ST6GALNAC3: variants seen among roughly 807,000 people sequenced by gnomAD.
ST6GALNAC3 encodes alpha-N-acetylgalactosaminide alpha-2,6-sialyltransferase 3.
In ST6GALNAC3, 25 loss-of-function variants were observed where a neutral mutation model predicts 32.7. The ratio of observed to expected loss-of-function variants is 0.76; its 90% CI spans 0.56 to 1.07. The LOEUF (loss-of-function observed/expected upper bound fraction) is 1.07. Ranked by LOEUF, ST6GALNAC3 falls within the 50% of genes least tolerant of loss-of-function variation. ST6GALNAC3 has a pLI of 0.00. For synonymous variants in ST6GALNAC3, 129 were observed against 133.1 expected (o/e 0.97, Z 0.21); for missense variants, 355 against 382.4 (o/e 0.93, Z 0.60).
chr1:76,511,233 G>A (rs1661838540), intron 3 of ST6GALNAC3, among the ~76,000 whole-genome samples: 1 of 152,160 alleles, frequency 6.6e-6, no homozygotes, highest in Non-Finnish European at 1.5e-5. Flanking sequence ...ATCTTGCTCA[G>A]AAGAGAGCTG....
chr1:76,134,171 C>T (rs1336535066), intron 1 of ST6GALNAC3, among the ~76,000 whole-genome samples: 1 of 152,220 alleles, frequency 6.6e-6, no homozygotes, highest in Non-Finnish European at 1.5e-5. Flanking sequence ...ATTAGGCAAT[C>T]CTGTGGAATG....
intron 3 of ST6GALNAC3, among the ~76,000 whole-genome samples, chr1:76,435,144 C>T (rs1024640027): frequency 1.3e-5 from 2 of 152,032 alleles, no homozygotes; most frequent in African/African-American, 4.8e-5. Context: ...CTTAGTTACT[C>T]AACATCTGAG....
intron 1 of ST6GALNAC3, among the ~76,000 whole-genome samples, chr1:76,097,020 G>A (rs1571141337): frequency 1.3e-5 from 2 of 151,278 alleles, no homozygotes; most frequent in South Asian, 2.1e-4. Context: ...GCGGGTTCAA[G>A]CGATTCTCCT....
chr1:76,408,695 A>G (rs966005022), intron 2 of ST6GALNAC3, among the ~76,000 whole-genome samples: 1 of 152,154 alleles, frequency 6.6e-6, no homozygotes, highest in Non-Finnish European at 1.5e-5. Context: ...CTAATTCATT[A>G]TAATGACTAG....
intron 3 of ST6GALNAC3, among the ~76,000 whole-genome samples, chr1:76,514,694 GC>G (rs1467358337): frequency 6.6e-6 from 1 of 152,108 alleles, no homozygotes; most frequent in Non-Finnish European, 1.5e-5. Context: ...AGCCAAGCAT[GC>G]TTTTGAACTT....
chr1:76,396,670 T>G (rs1206160195), intron 2 of ST6GALNAC3, among the ~76,000 whole-genome samples: 1 of 152,206 alleles, frequency 6.6e-6, no homozygotes, highest in Non-Finnish European at 1.5e-5. Context: ...TGAAATTTGC[T>G]TTGTTGATGC....
In ST6GALNAC3 at chr1:76,630,760, A is replaced by T. The variant is rs1161284700; in HGVS notation, c.*1954A>T. ...AAGCCCCAGTTCTATCGTTGGAAGG[A>T]GTTGTTATTCTTTTGTTGTTCCCTT... On this transcript the variant is annotated 3_prime_UTR_variant, in exon 5 of 5. Coordinates refer to ENST00000328299, the MANE Select transcript of ST6GALNAC3 (RefSeq NM_152996.4). 4 of 985,502 alleles carry T rather than the reference A, an allele frequency of 4.1e-6. No individual in the cohort carries two copies. In the African/African-American group the frequency reaches 7.0e-5, roughly 17 times the overall value. 61.0% of individuals were successfully genotyped at this position (985,502 alleles called of 1,614,324 possible).
At chr1:76,076,092 T>G (rs569495370) in intron 1 of ST6GALNAC3, among the ~76,000 whole-genome samples, 9 of 152,280 alleles carry the variant, frequency 5.9e-5, no homozygotes, top group African/African-American at 1.9e-4. Context: ...TTTCAGAACA[T>G]TTTCCAGGAC....
intron 3 of ST6GALNAC3, among the ~76,000 whole-genome samples, chr1:76,484,954 G>A (rs111744766): frequency 6.6e-6 from 1 of 152,108 alleles, no homozygotes; most frequent in Non-Finnish European, 1.5e-5. Context: ...TTCGTCAAAG[G>A]CCTTTTCTGC....
intron 3 of ST6GALNAC3, among the ~76,000 whole-genome samples, chr1:76,499,344 A>G (rs1191919551): frequency 6.6e-6 from 1 of 152,206 alleles, no homozygotes; most frequent in African/African-American, 2.4e-5. Flanking sequence ...ATTGAGTTCC[A>G]TTAGCAGAAA....
At chr1:76,580,231 T>A (rs1430647418) in intron 3 of ST6GALNAC3, among the ~76,000 whole-genome samples, 1 of 152,102 alleles carries the variant, frequency 6.6e-6, no homozygotes, top group Admixed American at 6.6e-5. Context: ...ATGCTCAAAT[T>A]GTCCCATCTT....
At chr1:76,288,719 G>A (rs1659913050) in intron 1 of ST6GALNAC3, among the ~76,000 whole-genome samples, 1 of 152,148 alleles carries the variant, frequency 6.6e-6, no homozygotes, top group African/African-American at 2.4e-5. Flanking sequence ...ATTGCACTTG[G>A]ATGAATAGAG....
In ST6GALNAC3 at chr1:76,561,362, A is replaced by G. The variant is rs535746281; in HGVS notation, c.624-66090A>G. ...TAAAAAGACAATGAAAAATCTACTC[A>G]CAGAATGGGAGAATATATTTGCAAA... is the stretch of plus-strand genomic sequence containing the variant. On this transcript the variant is annotated intron_variant, in intron 3 of 4. Transcript: ENST00000328299. Among the ~76,000 whole-genome samples the G allele has an allele frequency of 1.5e-4, 23 of 152,350 alleles. No homozygotes were observed. In the South Asian group the frequency reaches 4.8e-3, roughly 32 times the overall value.
At chr1:76,520,401 C>G (rs1662447407) in intron 3 of ST6GALNAC3, among the ~76,000 whole-genome samples, 1 of 152,094 alleles carries the variant, frequency 6.6e-6, no homozygotes, top group Non-Finnish European at 1.5e-5. Flanking sequence ...CAGCATAATC[C>G]TAGAAGCAAA....
chr1:76,112,088 CCGGA>C (rs1483114520), intron 1 of ST6GALNAC3, among the ~76,000 whole-genome samples: 1 of 149,666 alleles, frequency 6.7e-6, no homozygotes, highest in East Asian at 2.0e-4. Flanking sequence ...CACCTCCCTC[CCGGA>C]CGGGGCGGCT....
intron 1 of ST6GALNAC3, among the ~76,000 whole-genome samples, chr1:76,115,179 A>G (rs1252725246): frequency 6.6e-6 from 1 of 152,150 alleles, no homozygotes; most frequent in Non-Finnish European, 1.5e-5. Context: ...ATCCCTTGTT[A>G]GATATATTAC....
intron 3 of ST6GALNAC3, among the ~76,000 whole-genome samples, chr1:76,530,024 A>T (rs1047671978): frequency 4.6e-5 from 7 of 152,168 alleles, no homozygotes; most frequent in African/African-American, 1.7e-4. Flanking sequence ...AATAAATAAG[A>T]TGTGTAGTTA....
intron 1 of ST6GALNAC3, among the ~76,000 whole-genome samples, chr1:76,160,707 G>GCA (rs144175415): frequency 2.2e-4 from 33 of 151,860 alleles, no homozygotes; most frequent in Middle Eastern, 3.4e-3. Context: ...AAATCTTGGT[G>GCA]CACACACACA....
chr1:76,504,436 G>A (rs1452951364), intron 3 of ST6GALNAC3, among the ~76,000 whole-genome samples: 1 of 152,000 alleles, frequency 6.6e-6, no homozygotes, highest in Non-Finnish European at 1.5e-5. Context: ...GGTTCTGGGT[G>A]GACATAGTTT....
Sources: allele counts gnomAD v4.1 joint callset (sites outside exome capture counted in the v4.1 genomes callset), GRCh38; gene constraint gnomAD v4.1.1; transcripts MANE v1.5; gene names NCBI Gene and HGNC (gene_info 2026-07-23, HGNC 2026-07-21).